Variants in ASAP2 observed in about 807,000 individuals in gnomAD.
ASAP2 encodes ArfGAP with SH3 domain, ankyrin repeat and PH domain 2, also known as arf-GAP with SH3 domain, ANK repeat and PH domain-containing protein 2.
Under a neutral mutation model 131.4 loss-of-function variants are expected in ASAP2, and 45 were observed. The ratio of observed to expected loss-of-function variants is 0.34; its 90% confidence interval spans 0.27 to 0.44. The LOEUF (loss-of-function observed/expected upper bound fraction) is 0.44. Ranked by LOEUF, ASAP2 falls within the 20% of genes least tolerant of loss-of-function variation. The probability of loss-of-function intolerance (pLI) is 1.00; values close to 1 mark genes in which losing one functional copy is unlikely to be tolerated. For synonymous variants in ASAP2, 510 were observed against 503.0 expected, an observed-to-expected ratio of 1.01 and a Z score of -0.19; for missense variants, 1,011 against 1,297.0, an observed-to-expected ratio of 0.78 and a Z score of 3.39.
Position 9,334,760 on chromosome 2 carries a change from G to C in ASAP2, c.709G>C (p.Ala237Pro), listed in dbSNP as rs1201266927. 6.2e-7 allele frequency: 1 copy of C among 1,613,956 alleles called. No individual in the cohort carries two copies. The highest frequency in any genetic ancestry group is 8.5e-7 in the Non-Finnish European group (1 of 1,179,996). ...TAGTTTTTTTCAGGATGGACTCAAA[G>C]CCGTGGAAAGCCTCAAACCTTCCAT... is the stretch of plus-strand genomic sequence containing the variant. ...QCNFFQDGLKAVESLKPSIET... is the reference protein window; with the variant it reads ...QCNFFQDGLKPVESLKPSIET... The change falls in exon 8 of 28, where the codon GCC becomes CCC. Residue 237 changes from alanine (A) to proline (P), a missense_variant. Ala to Pro is a conservative substitution (Grantham distance 27). Around this residue, in one of 2 missense-constraint regions of ASAP2, gnomAD observed 359 missense variants for 598.1 expected, o/e 0.60. Transcript: ENST00000281419.
intron 2 of ASAP2, among the ~76,000 whole-genome samples, chr2:9,286,447 A>ATATATATAT (rs1553304560): frequency 2.7e-5 from 4 of 148,418 alleles, no homozygotes; most frequent in East Asian, 2.0e-4. Context: ...GAAAAAAAAA[A>ATATATATAT]ATATATATAT....
Position 9,268,375 on chromosome 2 carries a change from A to G in ASAP2, c.127-10942A>G, listed in dbSNP as rs549273788. Among the ~76,000 whole-genome samples the G allele has an allele frequency of 1.3e-5, 2 of 152,252 alleles. No individual in the cohort carries two copies. Among genetic ancestry groups the G allele is most frequent in the African/African-American group, 2.4e-5 (1 of 41,530 alleles). Reference sequence around the variant, plus strand: ...GATAATACCAAAACACGCCCTTCTCATCTGTCCTTAGGCACACACTTTCCT... The same window carrying G: ...GATAATACCAAAACACGCCCTTCTCGTCTGTCCTTAGGCACACACTTTCCT... On this transcript the variant is annotated intron_variant, in intron 1 of 27. Coordinates refer to ENST00000281419, the MANE Select transcript of ASAP2 (RefSeq NM_003887.3). The surrounding 1 kb of genome is among the most constrained non-coding windows in gnomAD (Gnocchi z 4.1).
At chr2:9,262,481 A>G (rs567312284) in intron 1 of ASAP2, among the ~76,000 whole-genome samples, 1 of 152,310 alleles carries the variant, frequency 6.6e-6, no homozygotes, top group South Asian at 2.1e-4. Context: ...CCCAATTTAT[A>G]GATGAAGAAA....
At chr2:9,321,692 A>C (rs1670158517) in intron 5 of ASAP2, among the ~76,000 whole-genome samples, 1 of 152,154 alleles carries the variant, frequency 6.6e-6, no homozygotes, top group Admixed American at 6.5e-5. Flanking sequence ...AAGGGCAGAA[A>C]GGGCTTTCTG....
chr2:9,292,988 C>T (rs1667913914), intron 2 of ASAP2, among the ~76,000 whole-genome samples: 1 of 152,242 alleles, frequency 6.6e-6, no homozygotes, highest in African/African-American at 2.4e-5. Flanking sequence ...GCCGTATCTA[C>T]ATGTGTGGCC....
chr2:9,338,746 A>G (rs770436828), intron 9 of ASAP2, among the ~76,000 whole-genome samples: 2 of 152,172 alleles, frequency 1.3e-5, no homozygotes, highest in African/African-American at 2.4e-5. Flanking sequence ...CAGAGAAGCA[A>G]TTGGGGTGCA....
chr2:9,251,714 A>G (rs1245633895), intron 1 of ASAP2, among the ~76,000 whole-genome samples: 1 of 151,846 alleles, frequency 6.6e-6, no homozygotes, highest in African/African-American at 2.4e-5. Flanking sequence ...GTGATGAGGA[A>G]GTGGAGTGGC....
At chr2:9,385,162 C>A in intron 20 of ASAP2, 83 bp from the exon 21 acceptor site, 1 of 1,043,856 alleles carries the variant, frequency 9.6e-7, no homozygotes, top group Non-Finnish European at 1.5e-6. Flanking sequence ...AGAAGGCAGG[C>A]CTCCTGCCTG....
chr2:9,403,606 C>A lies in ASAP2; in HGVS notation c.*279C>A, dbSNP rs886455086. On this transcript the variant is annotated 3_prime_UTR_variant, in exon 28 of 28. Transcript: ENST00000281419. ...TTTAACTATTATACATAATCAAGATCCTGCCTCTACGGAATTAGCTAAACC... is the reference window on the plus strand; with the variant it reads ...TTTAACTATTATACATAATCAAGATACTGCCTCTACGGAATTAGCTAAACC... The A allele has an allele frequency of 5.5e-6, 2 of 364,760 alleles. No homozygotes were observed. Among genetic ancestry groups the A allele is most frequent in the South Asian group, 1.0e-4 (2 of 19,080 alleles). The allele number at this position is 364,760 out of a possible 1,614,324, so 22.6% of individuals were successfully genotyped here. A position where few individuals can be genotyped will look rare whatever the true frequency, so the allele number is the denominator to read the frequency against.
intron 8 of ASAP2, 109 bp downstream of exon 8, chr2:9,334,922 G>A (rs762481679): frequency 1.4e-4 from 196 of 1,390,532 alleles, no homozygotes; most frequent in Admixed American, 8.4e-4. Context: ...TGCCGCCCAC[G>A]TGGAGTGTGG....
intron 5 of ASAP2, 119 bp from the exon 6 acceptor site, chr2:9,323,002 G>T: frequency 8.0e-7 from 1 of 1,245,846 alleles, no homozygotes; most frequent in Admixed American, 2.2e-5. Flanking sequence ...GAGGCTGCCT[G>T]TGCTGAAACG....
chr2:9,223,619 C>T (rs754602788), intron 1 of ASAP2, among the ~76,000 whole-genome samples: 1 of 152,134 alleles, frequency 6.6e-6, no homozygotes, highest in Non-Finnish European at 1.5e-5. Flanking sequence ...GTACATTAGA[C>T]CTGGAAGTAA....
chr2:9,379,052 C>A lies in ASAP2; in HGVS notation c.1941C>A (p.Ile647=). 1.3e-6 allele frequency: 2 copies of A among 1,560,958 alleles called. No homozygotes were observed. The highest frequency in any genetic ancestry group is 1.7e-6 in the Non-Finnish European group (2 of 1,152,462). Residue 647 remains isoleucine, a synonymous_variant, in exon 19 of 28, where the codon ATC becomes ATA. Coordinates refer to ENST00000281419, the MANE Select transcript of ASAP2 (RefSeq NM_003887.3). ...TGCTCCTGCGGGGGAAGGCCTCCATCGAGATAGGTGAGTGGGCCCGGGCCC... is the reference window on the plus strand; with the variant it reads ...TGCTCCTGCGGGGGAAGGCCTCCATAGAGATAGGTGAGTGGGCCCGGGCCC... ...LKLLLRGKAS[I]EIANESGETP... is the part of the protein sequence containing the mutation.
rs1271947750 is a variant in ASAP2 at position 9,404,300 on chromosome 2, G to A, written c.*973G>A. The A allele has an allele frequency of 6.6e-6, 1 of 152,194 alleles. No homozygotes were observed. Among genetic ancestry groups the A allele is most frequent in the Non-Finnish European group, 1.5e-5 (1 of 68,038 alleles). The allele number at this position is 152,194 out of a possible 1,614,324, so 9.4% of individuals were successfully genotyped here. A position where few individuals can be genotyped will look rare whatever the true frequency, so the allele number is the denominator to read the frequency against. ...TTTCTATAATACTCCAACAGGAATG[G>A]TAGTCACACTGTCTTGAAATTGAAT... On this transcript the variant is annotated 3_prime_UTR_variant, in exon 28 of 28. Transcript: ENST00000281419.
chr2:9,368,625 C>T (rs1673671255), intron 16 of ASAP2, 106 bp downstream of exon 16: 1 of 875,858 alleles, frequency 1.1e-6, no homozygotes, highest in Non-Finnish European at 1.9e-6. Flanking sequence ...ATCGTTGCTT[C>T]TTTAGGGAAT....
At chr2:9,359,520 T>C (rs1466422189) in intron 15 of ASAP2, among the ~76,000 whole-genome samples, 1 of 152,256 alleles carries the variant, frequency 6.6e-6, no homozygotes, top group Non-Finnish European at 1.5e-5. Flanking sequence ...GGCCACCTAA[T>C]ACATGAGCTT....
chr2:9,226,780 G>C (rs757199050), intron 1 of ASAP2, among the ~76,000 whole-genome samples: 1 of 152,198 alleles, frequency 6.6e-6, no homozygotes, highest in Non-Finnish European at 1.5e-5. Flanking sequence ...CTAGCAAACG[G>C]TGTGCTCTTC....
intron 1 of ASAP2, among the ~76,000 whole-genome samples, chr2:9,213,465 G>A (rs1233400010): frequency 6.6e-6 from 1 of 152,150 alleles, no homozygotes; most frequent in Non-Finnish European, 1.5e-5. Flanking sequence ...TTTGAGCAGG[G>A]AATAACATGG....
At chr2:9,248,539 C>T (rs1307523934) in intron 1 of ASAP2, among the ~76,000 whole-genome samples, 4 of 152,026 alleles carry the variant, frequency 2.6e-5, no homozygotes, top group Non-Finnish European at 5.9e-5. Context: ...CAGTGAGAGT[C>T]AGCGTTTTGG....
Sources: gnomAD v4.1 joint callset for allele counts (sites outside exome capture counted in the v4.1 genomes callset) on GRCh38, gnomAD v4.1.1 for gene constraint, gnomAD v4.1.1 regional missense constraint, Gnocchi (gnomAD v3.1) non-coding constraint, MANE v1.5 for transcripts, NCBI Gene and HGNC (gene_info 2026-07-23, HGNC 2026-07-21) for gene names.